Variants in IL23R observed in about 807,000 individuals in gnomAD.
IL23R encodes the protein interleukin-23 receptor.
In IL23R, 34 loss-of-function variants were observed where a neutral mutation model predicts 56.9. The ratio of observed to expected loss-of-function variants is 0.60; its 90% CI spans 0.45 to 0.80. IL23R has a LOEUF of 0.80. Among genes scored for constraint, IL23R ranks in the 30% least tolerant of loss-of-function variants. IL23R has a pLI of 0.00. For missense variants in IL23R, 635 were observed against 730.0 expected (o/e 0.87, Z 1.50); for synonymous variants, 230 against 249.2 (o/e 0.92, Z 0.73).
intron 3 of IL23R, among the ~76,000 whole-genome samples, chr1:67,171,512 T>A (rs1181716228): frequency 6.6e-6 from 1 of 152,170 alleles, no homozygotes; most frequent in Admixed American, 6.6e-5. Context: ...GAAATAGAAA[T>A]TTTTATAAAA....
At position 67,173,690 on chromosome 1, in the gene IL23R, C is replaced by A. The variant is rs565477208; in HGVS notation, c.367+4052C>A. 2.6e-4 allele frequency among the ~76,000 whole-genome samples: 39 copies of A among 151,990 alleles called. No individual in the cohort carries two copies. The South Asian group carries it at 6.7e-3, about 26-fold the overall frequency. ...TTTTTTTAAAAGGATATTAGACCTT[C>A]GATATATGAAAATAGTTTTTTAATT... is the stretch of plus-strand genomic sequence containing the variant. On this transcript the variant is annotated intron_variant, in intron 3 of 10. Coordinates refer to ENST00000347310, the MANE Select transcript of IL23R (RefSeq NM_144701.3).
upstream of IL23R, chr1:67,166,323 GTGAC>G (rs1157825173): frequency 6.6e-6 from 1 of 152,322 alleles, no homozygotes; most frequent in Non-Finnish European, 1.5e-5. Flanking sequence ...TCCCCAAATA[GTGAC>G]ACGAGAGCCA....
intron 5 of IL23R, among the ~76,000 whole-genome samples, chr1:67,203,368 C>T (rs566513703): frequency 6.6e-6 from 1 of 152,116 alleles, no homozygotes; most frequent in African/African-American, 2.4e-5. Context: ...CACCATCCCA[C>T]CTCCCACAAA....
At chr1:67,161,435 A>T (rs1362164271) in intron 1 of IL23R, among the ~76,000 whole-genome samples, 1 of 152,136 alleles carries the variant, frequency 6.6e-6, no homozygotes, top group Admixed American at 6.5e-5. Flanking sequence ...TCATAATTCC[A>T]TAATCCAAAG....
At chr1:67,170,839 G>A (rs1462657791) in intron 3 of IL23R, among the ~76,000 whole-genome samples, 4 of 152,176 alleles carry the variant, frequency 2.6e-5, no homozygotes, top group African/African-American at 9.7e-5. Context: ...GAAAGTAAGA[G>A]GCTTCCTTGC....
chr1:67,167,196 G>A (rs1244040961), intron 1 of IL23R, among the ~76,000 whole-genome samples: 1 of 152,026 alleles, frequency 6.6e-6, no homozygotes, highest in Non-Finnish European at 1.5e-5. Flanking sequence ...TTCACCTCCC[G>A]GGTAGCTGGG....
At chr1:67,226,487 C>T (rs1314795839) in intron 7 of IL23R, among the ~76,000 whole-genome samples, 2 of 152,214 alleles carry the variant, frequency 1.3e-5, no homozygotes, top group Non-Finnish European at 2.9e-5. Context: ...GGGAACTTCT[C>T]TCAGCATTCA....
chr1:67,215,187 G>T (rs1332236468), intron 6 of IL23R, among the ~76,000 whole-genome samples: 1 of 152,156 alleles, frequency 6.6e-6, no homozygotes, highest in Non-Finnish European at 1.5e-5. Flanking sequence ...CTATAACTCG[G>T]TGTCTGAGAG....
intron 6 of IL23R, among the ~76,000 whole-genome samples, chr1:67,213,734 A>G (rs1649649523): frequency 6.6e-6 from 1 of 152,200 alleles, no homozygotes; most frequent in Admixed American, 6.5e-5. Flanking sequence ...TGTAATTACA[A>G]TCTATGATGT....
At chr1:67,194,058 A>T (rs868232285) in intron 4 of IL23R, among the ~76,000 whole-genome samples, 13 of 152,232 alleles carry the variant, frequency 8.5e-5, no homozygotes, top group Admixed American at 3.3e-4. Context: ...AAAGAATATA[A>T]CAAAGGCTAC....
At chr1:67,190,874 T>C (rs1647687687) in intron 4 of IL23R, among the ~76,000 whole-genome samples, 1 of 152,224 alleles carries the variant, frequency 6.6e-6, no homozygotes, top group Non-Finnish European at 1.5e-5. Context: ...TAAGGCCTGT[T>C]TGTTTTTGCC....
At chr1:67,214,062 C>T (rs1649670867) in intron 6 of IL23R, among the ~76,000 whole-genome samples, 1 of 152,158 alleles carries the variant, frequency 6.6e-6, no homozygotes, top group Non-Finnish European at 1.5e-5. Context: ...TATTCAGCTA[C>T]CTGAGAGACT....
At chr1:67,239,845 A>G (rs370048476) in intron 8 of IL23R, among the ~76,000 whole-genome samples, 1 of 152,158 alleles carries the variant, frequency 6.6e-6, no homozygotes. Flanking sequence ...GGGAATTCTC[A>G]CCTGTGTCAG....
intron 9 of IL23R, among the ~76,000 whole-genome samples, chr1:67,246,372 C>CTCTAA (rs1180514138): frequency 1.3e-5 from 2 of 152,084 alleles, no homozygotes; most frequent in Non-Finnish European, 2.9e-5. Flanking sequence ...TTTGTTTGCT[C>CTCTAA]TTGCTTCTCT....
chr1:67,209,561 T>C (rs970668244), intron 6 of IL23R, among the ~76,000 whole-genome samples: 2 of 152,206 alleles, frequency 1.3e-5, no homozygotes, highest in African/African-American at 4.8e-5. Flanking sequence ...TGCTGCCATG[T>C]TAAGTAGTGC....
At chr1:67,185,249 G>A (rs1467056155) in intron 4 of IL23R, among the ~76,000 whole-genome samples, 10 of 152,308 alleles carry the variant, frequency 6.6e-5, no homozygotes, top group African/African-American at 9.6e-5. Flanking sequence ...CAGCTGCAGA[G>A]AAGGAGAGGT....
intron 7 of IL23R, among the ~76,000 whole-genome samples, chr1:67,235,504 C>T (rs1021441645): frequency 1.3e-5 from 2 of 151,886 alleles, no homozygotes; most frequent in Admixed American, 1.3e-4. Flanking sequence ...AGTGATTCTC[C>T]TGTCTCAGCC....
chr1:67,265,814 G>A, the IL23R span, among the ~76,000 whole-genome samples: 1 of 151,972 alleles, frequency 6.6e-6, no homozygotes, highest in African/African-American at 2.4e-5. Context: ...GCTGAAGTAG[G>A]AGGACTGCTT....
chr1:67,207,192 GT>G (rs2089418875), intron 6 of IL23R, 137 bp downstream of exon 6: 2 of 1,007,220 alleles, frequency 2.0e-6, no homozygotes, highest in South Asian at 1.4e-5. Context: ...AGCCACTTTA[GT>G]TTTTGTTTTA....
Sources: allele counts gnomAD v4.1 joint callset (sites outside exome capture counted in the v4.1 genomes callset), GRCh38; gene constraint gnomAD v4.1.1; transcripts MANE v1.5; gene names NCBI Gene and HGNC (gene_info 2026-07-23, HGNC 2026-07-21).